The following HNRNPU variants were observed in gnomAD, a reference collection of about 807,000 sequenced individuals.
The protein encoded by HNRNPU is heterogeneous nuclear ribonucleoprotein U.
Under a neutral mutation model 94.7 loss-of-function variants are expected in HNRNPU, and 5 were observed. That is an observed-to-expected ratio of 0.05 (90% CI 0.03 to 0.11). The LOEUF (loss-of-function observed/expected upper bound fraction) is 0.11, where lower values mean the gene tolerates loss of function less well. Ranked by LOEUF, HNRNPU falls within the 10% of genes least tolerant of loss-of-function variation. The pLI is 1.00. For synonymous variants in HNRNPU, 434 were observed against 381.6 expected, an observed-to-expected ratio of 1.14 and a Z score of -1.60; for missense variants, 710 against 1,049.2, an observed-to-expected ratio of 0.68 and a Z score of 4.47.
At position 244,857,733 on chromosome 1, in the gene HNRNPU, G is replaced by A. The variant is rs780642044; in HGVS notation, c.1495-16C>T. Reference sequence around the variant, plus strand: ...TCATCACAACCTAGTGAAAAGAAAAGAAATGTCATTTCACTGTCAGTAGAC... The same window carrying A: ...TCATCACAACCTAGTGAAAAGAAAAAAAATGTCATTTCACTGTCAGTAGAC... On this transcript the variant is annotated splice_polypyrimidine_tract_variant and intron_variant, in intron 7 of 13. Transcript: ENST00000640218. 1.2e-6 allele frequency: 2 copies of A among 1,609,628 alleles called. No homozygotes were observed. The highest frequency in any genetic ancestry group is 1.7e-6 in the Non-Finnish European group (2 of 1,178,598).
intron 12 of HNRNPU, 23 bp downstream of exon 12, chr1:244,855,400 CT>C (rs1172640548): frequency 6.2e-7 from 1 of 1,606,222 alleles, no homozygotes; most frequent in African/African-American, 1.3e-5. Context: ...ATCAATCATG[CT>C]TCCAGGGATC....
At position 244,860,434 on chromosome 1, in the gene HNRNPU, G is replaced by A. The variant is rs1326720206; in HGVS notation, c.918C>T (p.Leu306=). Residue 306 remains leucine (L), a synonymous_variant, in exon 4 of 14, where the codon CTC becomes CTT. Transcript: ENST00000640218. The part of the protein sequence containing the change: ...DLHFKISRDR[L]SASSLTMESF... ...TCTCCATTGTAAGGGAAGAAGCACT[G>A]AGACGATCTCTTGATATTTTAAAAT... 1 of 1,602,736 alleles carries A rather than the reference G, an allele frequency of 6.2e-7. No homozygotes were observed. Among genetic ancestry groups the A allele is most frequent in the South Asian group, 1.1e-5 (1 of 90,858 alleles).
Position 244,855,016 on chromosome 1 carries a change from C to A in HNRNPU, c.2381G>T (p.Gly794Val), listed in dbSNP as rs950452902. The A allele has an allele frequency of 6.2e-7, 1 of 1,613,808 alleles. No homozygotes were observed. The highest frequency in any genetic ancestry group is 1.7e-5 in the Admixed American group (1 of 60,018). The change falls in exon 13 of 14, where the codon GGC becomes GTC. Residue 794 changes from glycine (G) to valine (V), a missense_variant. This residue lies in a region of HNRNPU where 152 missense variants were observed against 238.9 expected (regional missense o/e 0.64). Transcript: ENST00000640218. The part of the protein sequence containing the change: ...QNFRGRGNNR[G>V]YKNQSQGYNQ... ...GTAGCCCTGAGATTGATTTTTGTAG[C>A]CACGATTGTTTCCTCGTCCTCTGAA...
At chr1:244,858,565 T>C (rs1158147763) in intron 6 of HNRNPU, 164 bp downstream of exon 6, 3 of 617,440 alleles carry the variant, frequency 4.9e-6, no homozygotes, top group African/African-American at 1.9e-5. Flanking sequence ...AAAAATGTCC[T>C]GTGTTTTCCC....
chr1:244,859,198 GCCCTCTAGTTAAAAAACACT>G, intron 5 of HNRNPU, 57 bp downstream of exon 5: 1 of 749,554 alleles, frequency 1.3e-6, no homozygotes, highest in Non-Finnish European at 2.4e-6. Flanking sequence ...GGCTTAGAAT[GCCCTCTAGTTAAAAAACACT>G]GAAATCAGAC....
At position 244,854,389 on chromosome 1, in the gene HNRNPU, AAC is replaced by A; in HGVS notation, c.*59_*60del. 1 of 1,154,574 alleles carries A rather than the reference AAC, an allele frequency of 8.7e-7. No individual in the cohort carries two copies. The highest frequency in any genetic ancestry group is 1.3e-6 in the Non-Finnish European group (1 of 767,158). 71.5% of individuals were successfully genotyped at this position (1,154,574 alleles called of 1,614,324 possible). A position where few individuals can be genotyped will look rare whatever the true frequency, so the allele number is the denominator to read the frequency against. On this transcript the variant is annotated 3_prime_UTR_variant, in exon 14 of 14. Transcript: ENST00000640218. ...TTTAAAAAGTTAGCCTACTAAAGAA[AAC>A]AGTCGACTTCTTGTGAAGGTTTTGG... is the stretch of plus-strand genomic sequence containing the variant.
At chr1:244,858,875 T>C (rs1291320904) in intron 5 of HNRNPU, 34 bp from the exon 6 acceptor site, 1 of 1,007,402 alleles carries the variant, frequency 9.9e-7, no homozygotes. Flanking sequence ...GAAGTAGATG[T>C]TTAAAATAGT....
chr1:244,855,517 G>A lies in HNRNPU; in HGVS notation c.2259C>T (p.Tyr753=). The A allele has an allele frequency of 1.2e-6, 2 of 1,614,000 alleles. No homozygotes were observed. Among genetic ancestry groups the A allele is most frequent in the Non-Finnish European group, 1.7e-6 (2 of 1,179,936 alleles). Residue 753 remains tyrosine (Y), a synonymous_variant, in exon 12 of 14, where the codon TAC becomes TAT. Transcript: ENST00000640218. ...GGCCAGGAAAAACAGGGGCACGAGG[G>A]TATGGATAGCCGATTCCACCACTTC... The part of the protein sequence containing the change: ...GGGSGGIGYP[Y]PRAPVFPGRG...
intron 7 of HNRNPU, 43 bp from the exon 8 acceptor site, chr1:244,857,760 C>A: frequency 6.3e-7 from 1 of 1,594,522 alleles, no homozygotes; most frequent in Non-Finnish European, 8.5e-7. Flanking sequence ...TCAGTAGACA[C>A]CACCTAATAA....
rs780326561 is a variant in HNRNPU, at chr1:244,863,755, C to T, written c.553G>A (p.Gly185Arg). Reference sequence around the variant, plus strand: ...AGCGAGGTGGGGCCGCTGCTCTTCCCCGCGGCCTCCTTGGCGGCCCCGCGC... The same window carrying T: ...AGCGAGGTGGGGCCGCTGCTCTTCCTCGCGGCCTCCTTGGCGGCCCCGCGC... ...QQRGAAKEAA[G>R]KSSGPTSLFA... The change falls in exon 1 of 14, where the codon GGG (glycine) becomes AGG (arginine). Residue 185 changes from glycine to arginine, a missense_variant. Transcript: ENST00000640218. 8 of 1,586,122 alleles carry T rather than the reference C, an allele frequency of 5.0e-6. No individual in the cohort carries two copies. Among genetic ancestry groups the T allele is most frequent in the African/African-American group, 1.4e-5 (1 of 73,838 alleles).
chr1:244,855,807 A>G (rs1472393497), intron 11 of HNRNPU, 97 bp downstream of exon 11: 1 of 1,407,992 alleles, frequency 7.1e-7, no homozygotes, highest in Non-Finnish European at 9.8e-7. Context: ...GTGACAGTAT[A>G]CCATTAATGA....
intron 4 of HNRNPU, 134 bp downstream of exon 4, chr1:244,860,201 G>A: frequency 4.6e-6 from 3 of 655,232 alleles, no homozygotes. Flanking sequence ...TTGAGAGACT[G>A]AAGCAAGGAG....
In HNRNPU at chr1:244,856,630, A is replaced by T; in HGVS notation, c.1744-5T>A. ...GGCAGCAGCAGACACATTTGTCTTT[A>T]AAAAAAGAAATTTATGTTTACAACC... is the stretch of plus-strand genomic sequence containing the variant. On this transcript the variant is annotated splice_polypyrimidine_tract_variant and splice_region_variant and intron_variant, in intron 9 of 13. Coordinates refer to ENST00000640218, the MANE Select transcript of HNRNPU (RefSeq NM_031844.3). 1.2e-6 allele frequency: 2 copies of T among 1,611,796 alleles called. No individual in the cohort carries two copies. Among genetic ancestry groups the T allele is most frequent in the South Asian group, 1.1e-5 (1 of 90,516 alleles).
chr1:244,864,047 C>G lies in HNRNPU; in HGVS notation c.261G>C (p.Glu87Asp). ...TTCCTTCCTCCTCCTCTTCCTCTTCCTCCTCCTCTTCATCGCCGCCGGCCG... is the reference window on the plus strand; with the variant it reads ...TTCCTTCCTCCTCCTCTTCCTCTTCGTCCTCCTCTTCATCGCCGCCGGCCG... ...EAAAGGDEEE[E>D]EEEEEEEGIS... Residue 87 changes from glutamate (E) to aspartate (D), a missense_variant, in exon 1 of 14, where the codon GAG (glutamate) becomes GAC (aspartate). Glu to Asp is a conservative substitution (Grantham distance 45). This residue lies in a region of HNRNPU where 292 missense variants were observed against 293.4 expected (regional missense o/e 1.00). Coordinates refer to ENST00000640218, the MANE Select transcript of HNRNPU (RefSeq NM_031844.3). The G allele has an allele frequency of 6.2e-7, 1 of 1,608,662 alleles. No individual in the cohort carries two copies. The highest frequency in any genetic ancestry group is 1.1e-5 in the South Asian group (1 of 90,636).
At chr1:244,857,002 G>A in intron 8 of HNRNPU, 146 bp from the exon 9 acceptor site, 1 of 669,494 alleles carries the variant, frequency 1.5e-6, no homozygotes. Context: ...CAAAAACAGG[G>A]TCACTTAAAC....
At chr1:244,855,768 T>C (rs1025590630) in intron 11 of HNRNPU, 136 bp downstream of exon 11, 44 of 1,263,198 alleles carry the variant, frequency 3.5e-5, no homozygotes, top group Non-Finnish European at 4.5e-5. Context: ...GTGTATTTAA[T>C]ATCAAATCAC....
Position 244,863,778 on chromosome 1 carries a change from C to A in HNRNPU, c.530G>T (p.Arg177Leu). 1.9e-6 allele frequency: 3 copies of A among 1,598,412 alleles called. No individual in the cohort carries two copies. The highest frequency in any genetic ancestry group is 2.6e-6 in the Non-Finnish European group (3 of 1,174,746). ...ATQQQQPQQQ[R>L]GAAKEAAGKS... ...CCCCGCGGCCTCCTTGGCGGCCCCGCGCTGCTGTTGGGGCTGTTGCTGCTG... is the reference window on the plus strand; with the variant it reads ...CCCCGCGGCCTCCTTGGCGGCCCCGAGCTGCTGTTGGGGCTGTTGCTGCTG... The change falls in exon 1 of 14, where the codon CGC (arginine) becomes CTC (leucine). Residue 177 changes from arginine (R) to leucine (L), a missense_variant. Coordinates refer to ENST00000640218, the MANE Select transcript of HNRNPU (RefSeq NM_031844.3).
chr1:244,859,056 G>A (rs945709053), intron 5 of HNRNPU: 41 of 577,136 alleles, frequency 7.1e-5, no homozygotes, highest in Non-Finnish European at 1.0e-4. Context: ...TGCATATCAC[G>A]GGTAAGATTT....
chr1:244,856,149 G>C lies in HNRNPU; in HGVS notation c.1922C>G (p.Thr641Ser), dbSNP rs745323844. The C allele has an allele frequency of 6.2e-7, 1 of 1,605,492 alleles. No homozygotes were observed. The highest frequency in any genetic ancestry group is 1.7e-5 in the Admixed American group (1 of 57,948). The change falls in exon 11 of 14, where the codon ACC (threonine) becomes AGC (serine). Residue 641 changes from threonine to serine, a missense_variant. This residue lies in a region of HNRNPU where 152 missense variants were observed against 238.9 expected (regional missense o/e 0.64). Coordinates refer to ENST00000640218, the MANE Select transcript of HNRNPU (RefSeq NM_031844.3). ...HAVLKMKGNF[T>S]LPEVAECFDE... ...AAAGCACTCAGCTACCTCTGGGAGG[G>C]TAAAGTTTCCTGCAGGAAACAAAGT...
Sources: gnomAD v4.1 joint callset for allele counts on GRCh38, gnomAD v4.1.1 for gene constraint, gnomAD v4.1.1 regional missense constraint, MANE v1.5 for transcripts, NCBI Gene and HGNC (gene_info 2026-07-23, HGNC 2026-07-21) for gene names.